Variants in DNAJB14 observed in about 807,000 individuals in gnomAD.
The protein encoded by DNAJB14 is dnaJ homolog subfamily B member 14.
A neutral mutation model predicts 48.4 loss-of-function variants in DNAJB14; 22 were observed. The observed-to-expected ratio is 0.45, with a 90% confidence interval of 0.32 to 0.65. The LOEUF is 0.65. DNAJB14 is among the 30% of genes least tolerant of loss of function. The pLI is 0.03. For synonymous variants in DNAJB14, 142 were observed against 158.7 expected (o/e 0.89, Z 0.79); for missense variants, 319 against 458.8 (o/e 0.70, Z 2.78).
intron 3 of DNAJB14, among the ~76,000 whole-genome samples, chr4:99,916,180 C>A (rs1177195525): frequency 6.6e-6 from 1 of 152,114 alleles, no homozygotes; most frequent in East Asian, 1.9e-4. Context: ...GCTCTGTTAC[C>A]CCAGCTGGAG....
intron 7 of DNAJB14, among the ~76,000 whole-genome samples, chr4:99,902,049 A>G (rs1725310910): frequency 6.6e-6 from 1 of 152,152 alleles, no homozygotes; most frequent in South Asian, 2.1e-4. Flanking sequence ...ATATTATCCT[A>G]TGCCTTTTAT....
intron 1 of DNAJB14, among the ~76,000 whole-genome samples, chr4:99,944,857 G>A (rs1329434479): frequency 6.6e-6 from 1 of 152,156 alleles, no homozygotes; most frequent in Non-Finnish European, 1.5e-5. Flanking sequence ...GATAACAGGC[G>A]TGAGCCACCG....
intron 1 of DNAJB14, among the ~76,000 whole-genome samples, chr4:99,941,528 G>A (rs1292182501): frequency 6.6e-6 from 1 of 152,084 alleles, no homozygotes; most frequent in Non-Finnish European, 1.5e-5. Flanking sequence ...GAAAGCTGAG[G>A]CTCAGGAAAG....
chr4:99,930,477 G>T lies in DNAJB14; in HGVS notation c.278C>A (p.Thr93Asn). 6.2e-7 allele frequency: 1 copy of T among 1,603,762 alleles called. No individual in the cohort carries two copies. Among genetic ancestry groups the T allele is most frequent in the East Asian group, 2.3e-5 (1 of 44,366 alleles). ...GAGAACTCCATCTACTTGGTCTTTG[G>T]TATAGCCTTTTCCACCTTCACCACT... ...SGSGEGGKGYTKDQVDGVLSI... is the reference protein window; with the variant it reads ...SGSGEGGKGYNKDQVDGVLSI... Residue 93 changes from threonine to asparagine, a missense_variant, in exon 2 of 8, where the codon ACC (threonine) becomes AAC (asparagine). Physicochemically the swap from Thr to Asn is moderately conservative, Grantham distance 65. Around this residue, in one of 3 missense-constraint regions of DNAJB14, gnomAD observed 116 missense variants for 134.6 expected, o/e 0.86. Coordinates refer to ENST00000442697, the MANE Select transcript of DNAJB14 (RefSeq NM_001031723.4).
At chr4:99,918,238 T>C (rs1725927544) in intron 3 of DNAJB14, among the ~76,000 whole-genome samples, 1 of 152,242 alleles carries the variant, frequency 6.6e-6, no homozygotes, top group Admixed American at 6.5e-5. Flanking sequence ...TTCCTCTATC[T>C]GTCCATTCTG....
chr4:99,923,312 G>T, intron 2 of DNAJB14, 127 bp from the exon 3 acceptor site: 1 of 888,482 alleles, frequency 1.1e-6, no homozygotes, highest in Non-Finnish European at 1.6e-6. Flanking sequence ...TCTAATGAAG[G>T]CTTATCCCTT....
chr4:99,899,197 T>A lies in DNAJB14; in HGVS notation c.*1831A>T, dbSNP rs1459631305. The A allele has an allele frequency of 6.6e-6, 1 of 151,860 alleles. No homozygotes were observed. The highest frequency in any genetic ancestry group is 1.5e-5 in the Non-Finnish European group (1 of 67,776). The allele number at this position is 151,860 out of a possible 1,614,324, so 9.4% of individuals were successfully genotyped here. A position where few individuals can be genotyped will look rare whatever the true frequency, so the allele number is the denominator to read the frequency against. On this transcript the variant is annotated 3_prime_UTR_variant, in exon 8 of 8. Coordinates refer to ENST00000442697, the MANE Select transcript of DNAJB14 (RefSeq NM_001031723.4). ...TCAACAAGAAGGTAAGTTCACAGAA[T>A]TATCAGCCATAATAGTGTAAATTTG...
chr4:99,922,505 A>AT (rs1726095885), intron 3 of DNAJB14: 1 of 152,058 alleles, frequency 6.6e-6, no homozygotes. Context: ...GGGATGGAAA[A>AT]TAAAAAAATA....
chr4:99,941,296 T>C (rs184694736), intron 1 of DNAJB14, among the ~76,000 whole-genome samples: 8 of 152,330 alleles, frequency 5.3e-5, no homozygotes, highest in Admixed American at 5.2e-4. Context: ...AAATGTTAAC[T>C]AAGCATGGAA....
At chr4:99,913,242 T>C (rs962211132) in intron 3 of DNAJB14, among the ~76,000 whole-genome samples, 3 of 152,314 alleles carry the variant, frequency 2.0e-5, no homozygotes, top group South Asian at 2.1e-4. Flanking sequence ...GGTAAAGAGA[T>C]ATTCTTGCTT....
chr4:99,943,608 C>G (rs1329457278), intron 1 of DNAJB14, among the ~76,000 whole-genome samples: 1 of 152,150 alleles, frequency 6.6e-6, no homozygotes, highest in East Asian at 1.9e-4. Context: ...TACATTGTCT[C>G]CATTTTACAG....
intron 3 of DNAJB14, among the ~76,000 whole-genome samples, chr4:99,919,761 A>C (rs757283342): frequency 1.4e-4 from 22 of 151,968 alleles, no homozygotes; most frequent in Non-Finnish European, 3.1e-4. Context: ...AGTTGTACTC[A>C]TTGGGAGAAA....
chr4:99,924,652 A>C, intron 2 of DNAJB14: 1 of 1,438,290 alleles, frequency 7.0e-7, no homozygotes, highest in Non-Finnish European at 9.4e-7. Context: ...ATATCTGTAA[A>C]CAAAAAAAGA....
chr4:99,910,990 C>T (rs1283643357), intron 3 of DNAJB14, among the ~76,000 whole-genome samples: 1 of 152,046 alleles, frequency 6.6e-6, no homozygotes, highest in African/African-American at 2.4e-5. Context: ...TCTAACACCA[C>T]TCTCATGTTG....
At chr4:99,905,031 TTCATGCTGCTATA>T (rs1441393828) in intron 6 of DNAJB14, among the ~76,000 whole-genome samples, 1 of 152,078 alleles carries the variant, frequency 6.6e-6, no homozygotes, top group African/African-American at 2.4e-5. Flanking sequence ...TTCTTATTTA[TTCATGCTGCTATA>T]ACAGCCAATA....
chr4:99,918,026 A>G, intron 3 of DNAJB14, among the ~76,000 whole-genome samples: 1 of 152,198 alleles, frequency 6.6e-6, no homozygotes, highest in African/African-American at 2.4e-5. Flanking sequence ...CAAATTTGGG[A>G]AGTTTTCAAC....
chr4:99,940,809 T>G (rs1244461944), intron 1 of DNAJB14, among the ~76,000 whole-genome samples: 2 of 152,012 alleles, frequency 1.3e-5, no homozygotes, highest in Non-Finnish European at 2.9e-5. Context: ...GATATCACCT[T>G]ATAGCAATAA....
At chr4:99,902,050 T>C (rs1725310989) in intron 7 of DNAJB14, among the ~76,000 whole-genome samples, 1 of 152,184 alleles carries the variant, frequency 6.6e-6, no homozygotes, top group African/African-American at 2.4e-5. Context: ...TATTATCCTA[T>C]GCCTTTTATT....
rs1025001371 is a variant in DNAJB14 at position 99,900,122 on chromosome 4, A to G, written c.*906T>C. 3 of 152,406 alleles carry G rather than the reference A, an allele frequency of 2.0e-5. No individual in the cohort carries two copies. Among genetic ancestry groups the G allele is most frequent in the Non-Finnish European group, 4.4e-5 (3 of 67,866 alleles). 9.4% of individuals were successfully genotyped at this position (152,406 alleles called of 1,614,324 possible). A position where few individuals can be genotyped will look rare whatever the true frequency, so the allele number is the denominator to read the frequency against. On this transcript the variant is annotated 3_prime_UTR_variant, in exon 8 of 8. Coordinates refer to ENST00000442697, the MANE Select transcript of DNAJB14 (RefSeq NM_001031723.4). ...AGGAACTTCTTTGGATCCTGCTTAAATGATCACCAAGAAACTGCAAATTTC... is the reference window on the plus strand; with the variant it reads ...AGGAACTTCTTTGGATCCTGCTTAAGTGATCACCAAGAAACTGCAAATTTC...
Sources: allele counts gnomAD v4.1 joint callset (sites outside exome capture counted in the v4.1 genomes callset), GRCh38; gene constraint gnomAD v4.1.1; regional missense constraint gnomAD v4.1.1; transcripts MANE v1.5; gene names NCBI Gene and HGNC (gene_info 2026-07-23, HGNC 2026-07-21).